RASAL2: variants seen among roughly 807,000 people sequenced by gnomAD.
RASAL2 encodes the protein RAS protein activator like 2.
RASAL2 carries 58 observed loss-of-function variants against 128.9 expected under a neutral mutation model. That is an observed-to-expected ratio of 0.45 (90% confidence interval 0.36 to 0.56). The LOEUF (loss-of-function observed/expected upper bound fraction) is 0.56, where lower values mean the gene tolerates loss of function less well. Ranked by LOEUF, RASAL2 falls within the 20% of genes least tolerant of loss-of-function variation. The pLI is 0.00. For synonymous variants in RASAL2, 561 were observed against 580.8 expected, an observed-to-expected ratio of 0.97 and a Z score of 0.49; for missense variants, 1,360 against 1,601.6, an observed-to-expected ratio of 0.85 and a Z score of 2.57.
In RASAL2 at chr1:178,126,437, A is replaced by G. The variant is rs192496676; in HGVS notation, c.202+31743A>G. Among the ~76,000 whole-genome samples the G allele has an allele frequency of 3.0e-3, 451 of 152,360 alleles. 3 individuals carry two copies. Among genetic ancestry groups the G allele is most frequent in the African/African-American group, 0.01 (421 of 41,598 alleles). ...ATAATCAGGATTCTAGACTCTGGCC[A>G]TATTGTTGTGTAATATTGAACATCT... On this transcript the variant is annotated intron_variant, in intron 1 of 17. Transcript: ENST00000367649.
chr1:178,276,065 T>G (rs1440244176), intron 1 of RASAL2, among the ~76,000 whole-genome samples: 1 of 152,226 alleles, frequency 6.6e-6, no homozygotes, highest in Non-Finnish European at 1.5e-5. Context: ...TATTGAATGA[T>G]TACTTAGTAT....
chr1:178,303,776 C>T (rs1032494972), intron 3 of RASAL2, among the ~76,000 whole-genome samples: 6 of 151,750 alleles, frequency 4.0e-5, no homozygotes, highest in Non-Finnish European at 8.8e-5. Flanking sequence ...AATGCTTCCT[C>T]GTAGAAAATG....
At position 178,439,446 on chromosome 1, in the gene RASAL2, A is replaced by G. The variant is rs190304887; in HGVS notation, c.699A>G (p.Lys233=). ...GGTCTCGTGGGCTGCCTAAACTAAA[A>G]GAGTCACGTTCCCATGAATCCTTGC... ...DDRSRGLPKL[K]ESRSHESLLS... is the part of the protein sequence containing the mutation. Residue 233 remains lysine, a synonymous_variant, in exon 6 of 18, where the codon AAA becomes AAG. Coordinates refer to ENST00000367649, the MANE Select transcript of RASAL2 (RefSeq NM_170692.4). 319 of 1,610,684 alleles carry G rather than the reference A, an allele frequency of 2.0e-4. 1 individual carries two copies. The East Asian group carries it at 5.9e-3, about 30-fold the overall frequency.
At position 178,307,464 on chromosome 1, in the gene RASAL2, T is replaced by C. The variant is rs1280390723; in HGVS notation, c.457+7346T>C. ...TCAAACCATGCAAAGCATGACTTGC[T>C]GAATTTTCAAGAGGAGGTAGTAGGG... On this transcript the variant is annotated intron_variant, in intron 3 of 17. Transcript: ENST00000367649. Among the ~76,000 whole-genome samples, 7 of 152,308 alleles carry C rather than the reference T, an allele frequency of 4.6e-5. No homozygotes were observed. The East Asian group carries it at 1.2e-3, about 25-fold the overall frequency.
intron 14 of RASAL2, among the ~76,000 whole-genome samples, chr1:178,461,156 C>G (rs1678168120): frequency 6.6e-6 from 1 of 152,116 alleles, no homozygotes; most frequent in South Asian, 2.1e-4. Context: ...CTTTGTTCAT[C>G]TCACTCCCAT....
At chr1:178,288,415 A>ATT (rs1372971520) in intron 2 of RASAL2, among the ~76,000 whole-genome samples, 1 of 151,930 alleles carries the variant, frequency 6.6e-6, no homozygotes, top group Non-Finnish European at 1.5e-5. Flanking sequence ...TGCACACTCC[A>ATT]TTACTGTATC....
intron 1 of RASAL2, among the ~76,000 whole-genome samples, chr1:178,102,089 A>G (rs1039413637): frequency 6.6e-6 from 1 of 151,850 alleles, no homozygotes; most frequent in Non-Finnish European, 1.5e-5. Flanking sequence ...ATTGGAAGTG[A>G]TGTCTGAAGG....
At chr1:178,240,112 A>G (rs1473558921) in intron 1 of RASAL2, among the ~76,000 whole-genome samples, 6 of 152,084 alleles carry the variant, frequency 3.9e-5, no homozygotes, top group Non-Finnish European at 8.8e-5. Flanking sequence ...ACATTAGGGC[A>G]TTGCTTTTCA....
At chr1:178,395,483 C>T (rs979089813) in intron 4 of RASAL2, among the ~76,000 whole-genome samples, 1 of 152,024 alleles carries the variant, frequency 6.6e-6, no homozygotes, top group Admixed American at 6.6e-5. Flanking sequence ...ACAATCAGTT[C>T]AGATGACCAA....
chr1:178,153,917 C>T (rs1046610466), intron 1 of RASAL2, among the ~76,000 whole-genome samples: 3 of 152,066 alleles, frequency 2.0e-5, no homozygotes, highest in Non-Finnish European at 2.9e-5. Flanking sequence ...CTTACTGCAA[C>T]CTCTACCTCC....
intron 1 of RASAL2, among the ~76,000 whole-genome samples, chr1:178,136,024 C>T (rs183958577): frequency 6.6e-6 from 1 of 152,052 alleles, no homozygotes; most frequent in African/African-American, 2.4e-5. Flanking sequence ...CCATATCAAC[C>T]GTATGAACTC....
At chr1:178,173,848 G>A (rs1223940932) in intron 1 of RASAL2, among the ~76,000 whole-genome samples, 2 of 151,548 alleles carry the variant, frequency 1.3e-5, no homozygotes, top group African/African-American at 4.8e-5. Context: ...TGACAAGAGA[G>A]GAATTTTAAT....
intron 3 of RASAL2, chr1:178,389,326 T>G: frequency 1.1e-6 from 1 of 930,870 alleles, no homozygotes; most frequent in Non-Finnish European, 1.3e-6. Context: ...CGTATATATC[T>G]ATCATCTGTG....
At chr1:178,249,682 A>G (rs1664950265) in intron 1 of RASAL2, among the ~76,000 whole-genome samples, 1 of 151,916 alleles carries the variant, frequency 6.6e-6, no homozygotes, top group Non-Finnish European at 1.5e-5. Flanking sequence ...GGATTTATCT[A>G]CCTTTGATCT....
rs1648471458 is a variant in RASAL2, at chr1:178,473,581, T to C, written c.*342T>C. ...TTCCTCTTGTTGAAAGCACTGCAGT[T>C]GTTACAGGAAGTAAAGTAGGAACTG... is the stretch of plus-strand genomic sequence containing the variant. On this transcript the variant is annotated 3_prime_UTR_variant, in exon 18 of 18. Coordinates refer to ENST00000367649, the MANE Select transcript of RASAL2 (RefSeq NM_170692.4). The C allele has an allele frequency of 3.5e-6, 1 of 287,682 alleles. No individual in the cohort carries two copies. Among genetic ancestry groups the C allele is most frequent in the African/African-American group, 2.2e-5 (1 of 44,752 alleles). The allele number at this position is 287,682 out of a possible 1,614,324, so 17.8% of individuals were successfully genotyped here. A position where few individuals can be genotyped will look rare whatever the true frequency, so the allele number is the denominator to read the frequency against.
chr1:178,442,973 A>C lies in RASAL2; in HGVS notation c.1226A>C (p.Gln409Pro). ...CCCACTGCCAGTGTGACTGGTCGCC[A>C]ATTTGTAGAAAAGTGGTATCCAGTG... The part of the protein sequence containing the change: ...NIPTASVTGR[Q>P]FVEKWYPVST... Residue 409 changes from glutamine to proline, a missense_variant, in exon 8 of 18, where the codon CAA becomes CCA. By Grantham distance (76) the Gln-to-Pro change is moderately conservative. This residue lies in a region of RASAL2 where 617 missense variants were observed against 714.2 expected (regional missense o/e 0.86). Coordinates refer to ENST00000367649, the MANE Select transcript of RASAL2 (RefSeq NM_170692.4). 3 of 1,614,070 alleles carry C rather than the reference A, an allele frequency of 1.9e-6. No homozygotes were observed. Among genetic ancestry groups the C allele is most frequent in the Non-Finnish European group, 2.5e-6 (3 of 1,179,966 alleles).
chr1:178,187,376 A>G (rs959800243), intron 1 of RASAL2, among the ~76,000 whole-genome samples: 2 of 152,098 alleles, frequency 1.3e-5, no homozygotes, highest in South Asian at 2.1e-4. Flanking sequence ...TAGAACTTCT[A>G]TTTGGTCCTT....
At chr1:178,468,424 C>T (rs1647956192) in intron 17 of RASAL2, among the ~76,000 whole-genome samples, 1 of 152,154 alleles carries the variant, frequency 6.6e-6, no homozygotes. Flanking sequence ...ATTTTAGAGC[C>T]CCCAGTATTC....
chr1:178,395,800 T>TATATATATATATATATATATATATA (rs1673186760), intron 4 of RASAL2, among the ~76,000 whole-genome samples: 1 of 148,082 alleles, frequency 6.8e-6, no homozygotes, highest in African/African-American at 2.5e-5. Flanking sequence ...TATTTATTTA[T>TATATATATATATATATATATATATA]TCATATGTGT....
Sources: allele counts gnomAD v4.1 joint callset (sites outside exome capture counted in the v4.1 genomes callset), GRCh38; gene constraint gnomAD v4.1.1; regional missense constraint gnomAD v4.1.1; transcripts MANE v1.5; gene names NCBI Gene and HGNC (gene_info 2026-07-23, HGNC 2026-07-21).